KDM4C: variants seen among roughly 807,000 people sequenced by gnomAD.
The protein encoded by KDM4C is lysine demethylase 4C, also known as lysine-specific demethylase 4C.
KDM4C carries 81 observed loss-of-function variants against 129.3 expected under a neutral mutation model. That is an observed-to-expected ratio of 0.63 (90% CI 0.52 to 0.75). KDM4C has a LOEUF of 0.75. Among genes scored for constraint, KDM4C ranks in the 30% least tolerant of loss-of-function variants. The pLI is 0.00. For missense variants in KDM4C, 1,457 were observed against 1,304.0 expected, an observed-to-expected ratio of 1.12 and a Z score of -1.81; for synonymous variants, 573 against 456.1, an observed-to-expected ratio of 1.26 and a Z score of -3.26.
chr9:6,960,511 G>A (rs1030094923), intron 8 of KDM4C, among the ~76,000 whole-genome samples: 3 of 151,892 alleles, frequency 2.0e-5, no homozygotes, highest in South Asian at 2.1e-4. Context: ...CTCCTACCTC[G>A]GCCTTCCAAA....
chr9:7,133,973 C>G (rs1840918213), intron 19 of KDM4C, among the ~76,000 whole-genome samples: 1 of 152,136 alleles, frequency 6.6e-6, no homozygotes, highest in Non-Finnish European at 1.5e-5. Context: ...GGCAGATACC[C>G]CTTGTCAGTG....
intron 1 of KDM4C, among the ~76,000 whole-genome samples, chr9:6,782,746 G>A (rs58293776): frequency 0.096 from 14,652 of 152,066 alleles, 821 homozygotes; most frequent in Non-Finnish European, 0.11. Context: ...GCTATTGAAG[G>A]GTTTAAAAGA....
In KDM4C at chr9:6,882,804, G is replaced by A. The variant is rs200511885; in HGVS notation, c.679+2743G>A. On this transcript the variant is annotated intron_variant, in intron 6 of 21. Transcript: ENST00000381309. ...TGTGTGTGTGTGTGTGTGTGTGTGT[G>A]TGCGCGTGTGCACGTGCACGCACAT... Among the ~76,000 whole-genome samples the A allele has an allele frequency of 3.2e-3, 489 of 151,710 alleles. 6 individuals are homozygous for A. The East Asian group carries it at 0.033, about 10-fold the overall frequency.
At chr9:7,044,888 T>C (rs891285300) in intron 15 of KDM4C, among the ~76,000 whole-genome samples, 3 of 151,858 alleles carry the variant, frequency 2.0e-5, no homozygotes, top group Admixed American at 6.6e-5. Flanking sequence ...GAGGGTCAGC[T>C]AGAGGTGCAG....
intron 15 of KDM4C, among the ~76,000 whole-genome samples, chr9:7,045,298 G>C (rs995389340): frequency 6.6e-6 from 1 of 151,902 alleles, no homozygotes; most frequent in Admixed American, 6.6e-5. Flanking sequence ...AATTCTCTTA[G>C]AGCCTGAGTG....
At chr9:7,101,197 T>C (rs1837045766) in intron 17 of KDM4C, among the ~76,000 whole-genome samples, 1 of 152,234 alleles carries the variant, frequency 6.6e-6, no homozygotes, top group African/African-American at 2.4e-5. Context: ...TAGTGCCAGG[T>C]AGCATTTCGT....
At chr9:6,816,123 T>C (rs1832045925) in intron 4 of KDM4C, among the ~76,000 whole-genome samples, 1 of 152,210 alleles carries the variant, frequency 6.6e-6, no homozygotes, top group African/African-American at 2.4e-5. Flanking sequence ...ATCTATGGGG[T>C]ATACTCAAAT....
intron 4 of KDM4C, among the ~76,000 whole-genome samples, chr9:6,849,109 C>G (rs911110102): frequency 6.6e-6 from 1 of 152,026 alleles, no homozygotes; most frequent in Non-Finnish European, 1.5e-5. Flanking sequence ...CAAAAAAATC[C>G]CAAGAAAACC....
At chr9:7,106,123 G>A (rs904024344) in intron 18 of KDM4C, among the ~76,000 whole-genome samples, 5 of 152,046 alleles carry the variant, frequency 3.3e-5, no homozygotes, top group African/African-American at 9.7e-5. Context: ...TCTTCCATTC[G>A]ACTCCAAGTA....
intron 1 of KDM4C, among the ~76,000 whole-genome samples, chr9:6,791,193 C>T (rs939962670): frequency 3.3e-5 from 5 of 152,194 alleles, no homozygotes; most frequent in African/African-American, 1.2e-4. Context: ...CTTACTGCAA[C>T]TTCTACCTCC....
chr9:6,927,113 A>G (rs535065062), intron 8 of KDM4C, among the ~76,000 whole-genome samples: 5 of 151,406 alleles, frequency 3.3e-5, no homozygotes, highest in African/African-American at 1.2e-4. Context: ...CTATCTATCT[A>G]TCTATCTATC....
intron 17 of KDM4C, among the ~76,000 whole-genome samples, chr9:7,055,202 T>G (rs1169650348): frequency 1.3e-5 from 2 of 152,156 alleles, no homozygotes; most frequent in African/African-American, 2.4e-5. Flanking sequence ...ACAAAAAATT[T>G]GGCATTGTTC....
chr9:7,136,372 G>T (rs1007654807), intron 19 of KDM4C, among the ~76,000 whole-genome samples: 1 of 152,172 alleles, frequency 6.6e-6, no homozygotes, highest in African/African-American at 2.4e-5. Flanking sequence ...AAGTTATATG[G>T]TAAGTGTGTG....
chr9:6,737,456 T>G (rs748961215), intron 1 of KDM4C, among the ~76,000 whole-genome samples: 1 of 150,026 alleles, frequency 6.7e-6, no homozygotes, highest in Non-Finnish European at 1.5e-5. Context: ...AGGTCAGGAA[T>G]TTAAGACCAG....
intron 21 of KDM4C, among the ~76,000 whole-genome samples, chr9:7,173,286 TGTCCAAA>T (rs1845141760): frequency 6.6e-6 from 1 of 152,198 alleles, no homozygotes; most frequent in Admixed American, 6.5e-5. Flanking sequence ...TGAAACAGTG[TGTCCAAA>T]GACAGAGAAG....
intron 5 of KDM4C, among the ~76,000 whole-genome samples, chr9:6,866,997 GTGTATATA>G (rs538963001): frequency 0.023 from 1,171 of 51,552 alleles, 9 homozygotes; most frequent in East Asian, 0.066. Flanking sequence ...GTGTGTGTGT[GTGTATATA>G]TATATATATA....
chr9:6,821,876 C>T (rs776682925), intron 4 of KDM4C, among the ~76,000 whole-genome samples: 1 of 152,186 alleles, frequency 6.6e-6, no homozygotes, highest in Non-Finnish European at 1.5e-5. Context: ...CTCAAGTGAT[C>T]TGCCTGTCTT....
chr9:6,834,150 T>C (rs1835425246), intron 4 of KDM4C, among the ~76,000 whole-genome samples: 1 of 150,514 alleles, frequency 6.6e-6, no homozygotes. Flanking sequence ...GCGGTTCTGG[T>C]GCCCCAGTCT....
At chr9:6,856,371 G>C (rs1014696608) in intron 5 of KDM4C, among the ~76,000 whole-genome samples, 1 of 151,938 alleles carries the variant, frequency 6.6e-6, no homozygotes, top group African/African-American at 2.4e-5. Context: ...ATTTTGTCTA[G>C]AAAAAATGCA....
Sources: allele counts gnomAD v4.1 joint callset (sites outside exome capture counted in the v4.1 genomes callset), GRCh38; gene constraint gnomAD v4.1.1; transcripts MANE v1.5; gene names NCBI Gene and HGNC (gene_info 2026-07-23, HGNC 2026-07-21).